FOXP1: variants seen among roughly 807,000 people sequenced by gnomAD.
FOXP1 encodes forkhead box protein P1.
FOXP1 carries 15 observed loss-of-function variants against 98.2 expected under a neutral mutation model. The observed-to-expected ratio is 0.15, with a 90% CI of 0.10 to 0.24. The LOEUF is 0.24. FOXP1 is among the 10% of genes least tolerant of loss of function. The pLI is 1.00. For synonymous variants in FOXP1, 371 were observed against 314.5 expected (o/e 1.18, Z -1.90); for missense variants, 633 against 848.5 (o/e 0.75, Z 3.15).
At chr3:71,519,075 A>G (rs1002769411) in intron 2 of FOXP1, among the ~76,000 whole-genome samples, 18 of 152,190 alleles carry the variant, frequency 1.2e-4, no homozygotes, top group African/African-American at 3.9e-4. Flanking sequence ...GTGAAACCCC[A>G]TCTCTACTAA....
At chr3:71,043,235 G>A (rs956526536) in intron 10 of FOXP1, among the ~76,000 whole-genome samples, 51 of 152,190 alleles carry the variant, frequency 3.4e-4, no homozygotes, top group Middle Eastern at 6.8e-3. Context: ...CAGACAAGTC[G>A]GTTTTCTTCT....
At chr3:71,283,297 C>T (rs148181437) in intron 5 of FOXP1, among the ~76,000 whole-genome samples, 103 of 152,218 alleles carry the variant, frequency 6.8e-4, no homozygotes, top group African/African-American at 2.5e-3. Context: ...GGAGCCCCAC[C>T]CCCAACCCCC....
At chr3:71,350,914 T>G (rs1256059656) in intron 4 of FOXP1, among the ~76,000 whole-genome samples, 1 of 152,040 alleles carries the variant, frequency 6.6e-6, no homozygotes, top group Non-Finnish European at 1.5e-5. Flanking sequence ...CCTTTAGAGA[T>G]GGACACATGA....
chr3:71,268,123 C>T (rs2069910950), intron 5 of FOXP1, among the ~76,000 whole-genome samples: 2 of 126,820 alleles, frequency 1.6e-5, no homozygotes, highest in Non-Finnish European at 3.2e-5. Flanking sequence ...CAGAGTCTCG[C>T]TCTGTCGCCC....
chr3:71,493,280 T>C (rs968420436), intron 3 of FOXP1, 146 bp downstream of exon 3: 8 of 152,220 alleles, frequency 5.3e-5, no homozygotes, highest in African/African-American at 1.9e-4. Flanking sequence ...GCAGGAATTA[T>C]CTGAAAAGAT....
At chr3:71,341,539 C>T (rs185319630) in intron 4 of FOXP1, among the ~76,000 whole-genome samples, 1 of 152,050 alleles carries the variant, frequency 6.6e-6, no homozygotes, top group Admixed American at 6.6e-5. Context: ...GAGGCAGAGG[C>T]GGGTGGATCA....
At chr3:71,290,603 A>G (rs2072643739) in intron 5 of FOXP1, among the ~76,000 whole-genome samples, 2 of 152,156 alleles carry the variant, frequency 1.3e-5, no homozygotes, top group Admixed American at 6.5e-5. Flanking sequence ...GCTCTACCTC[A>G]AAGCCCCTCA....
chr3:71,422,515 C>T (rs2083740750), intron 3 of FOXP1, among the ~76,000 whole-genome samples: 1 of 152,226 alleles, frequency 6.6e-6, no homozygotes, highest in African/African-American at 2.4e-5. Flanking sequence ...CACGTCCTCA[C>T]CTCTCTTCTC....
chr3:71,447,027 A>G (rs1482154438), intron 3 of FOXP1, among the ~76,000 whole-genome samples: 2 of 152,258 alleles, frequency 1.3e-5, no homozygotes, highest in Non-Finnish European at 2.9e-5. Context: ...CAGCTTTGAC[A>G]AGCCCCATCT....
chr3:71,467,266 G>A (rs925411644), intron 3 of FOXP1, among the ~76,000 whole-genome samples: 2 of 151,964 alleles, frequency 1.3e-5, no homozygotes, highest in African/African-American at 2.4e-5. Flanking sequence ...TACCAGTAAC[G>A]TTCAGAGGAT....
intron 2 of FOXP1, among the ~76,000 whole-genome samples, chr3:71,524,834 T>A (rs1399079611): frequency 6.6e-6 from 1 of 152,208 alleles, no homozygotes; most frequent in Non-Finnish European, 1.5e-5. Flanking sequence ...CAGACTTGCC[T>A]GCTATAAAAT....
rs771272366 is a variant in FOXP1, at chr3:70,958,312, T to C, written c.*935A>G. The stretch of plus-strand genomic sequence containing the variant: ...GCATTGTTCCTAGAGTTTGTCTCTC[T>C]TTTTTTTTTCTGTCATTCATTCTCT... On this transcript the variant is annotated 3_prime_UTR_variant, in exon 21 of 21. Coordinates refer to ENST00000649528, the MANE Select transcript of FOXP1 (RefSeq NM_001349338.3). The C allele has an allele frequency of 2.6e-5, 13 of 494,858 alleles. No homozygotes were observed. The highest frequency in any genetic ancestry group is 2.4e-4 in the African/African-American group (12 of 50,156). The allele number at this position is 494,858 out of a possible 1,614,324, so 30.7% of individuals were successfully genotyped here. A position where few individuals can be genotyped will look rare whatever the true frequency, so the allele number is the denominator to read the frequency against.
At chr3:71,285,631 G>C (rs2072035259) in intron 5 of FOXP1, among the ~76,000 whole-genome samples, 3 of 152,140 alleles carry the variant, frequency 2.0e-5, no homozygotes, top group Non-Finnish European at 4.4e-5. Flanking sequence ...ATCCGAGAAA[G>C]GGTCATGTAC....
intron 5 of FOXP1, among the ~76,000 whole-genome samples, chr3:71,242,631 C>G (rs1280637882): frequency 6.6e-6 from 1 of 152,088 alleles, no homozygotes; most frequent in Non-Finnish European, 1.5e-5. Flanking sequence ...TGGAGGCTCA[C>G]ATGTGAAAAA....
Position 71,404,489 on chromosome 3 carries a change from T to G in FOXP1, c.-167-45245A>C, listed in dbSNP as rs543255216. ...TTACTTTTGATATTGTTAATTTGTTTCCCAAAAATCCCAGAGCCAAAGCAC... is the reference window on the plus strand; with the variant it reads ...TTACTTTTGATATTGTTAATTTGTTGCCCAAAAATCCCAGAGCCAAAGCAC... On this transcript the variant is annotated intron_variant, in intron 3 of 20. Transcript: ENST00000649528. Among the ~76,000 whole-genome samples the G allele has an allele frequency of 8.6e-5, 13 of 151,802 alleles. No individual in the cohort carries two copies. The South Asian group carries it at 2.7e-3, about 32-fold the overall frequency.
chr3:71,449,714 C>A (rs536762456), intron 3 of FOXP1, among the ~76,000 whole-genome samples: 1 of 152,158 alleles, frequency 6.6e-6, no homozygotes, highest in Non-Finnish European at 1.5e-5. Context: ...GAAAGGGGTG[C>A]AATGTAAAAT....
At chr3:71,196,364 G>A (rs964706486) in intron 6 of FOXP1, among the ~76,000 whole-genome samples, 2 of 152,112 alleles carry the variant, frequency 1.3e-5, no homozygotes, top group African/African-American at 4.8e-5. Flanking sequence ...TGTTATCACT[G>A]TTGTGTGTGT....
At position 71,303,182 on chromosome 3, in the gene FOXP1, T is replaced by C. The variant is rs144817580; in HGVS notation, c.-72-3302A>G. On this transcript the variant is annotated intron_variant, in intron 4 of 20. Coordinates refer to ENST00000649528, the MANE Select transcript of FOXP1 (RefSeq NM_001349338.3). ...TTCTTGACAGCTAAAATAAATTATC[T>C]GCATTAAGATTTCTGCATTATATTT... 2.2e-4 allele frequency among the ~76,000 whole-genome samples: 33 copies of C among 152,320 alleles called. 1 individual carries two copies. In the South Asian group the frequency reaches 2.3e-3, roughly 11 times the overall value.
chr3:71,442,658 T>C (rs1196650682), intron 3 of FOXP1, among the ~76,000 whole-genome samples: 1 of 152,106 alleles, frequency 6.6e-6, no homozygotes, highest in East Asian at 1.9e-4. Flanking sequence ...GTCTTGGTTT[T>C]TTCTTTTGTT....
Sources: gnomAD v4.1 joint callset for allele counts (sites outside exome capture counted in the v4.1 genomes callset) on GRCh38, gnomAD v4.1.1 for gene constraint, MANE v1.5 for transcripts, NCBI Gene and HGNC (gene_info 2026-07-23, HGNC 2026-07-21) for gene names.